The following DYM variants were observed in gnomAD, a reference collection of about 807,000 sequenced individuals.
DYM encodes the protein dymeclin, also known as dyggve-Melchior-Clausen syndrome protein.
A neutral mutation model predicts 93.1 loss-of-function variants in DYM; 78 were observed. The observed-to-expected ratio is 0.84, with a 90% CI of 0.70 to 1.01. DYM has a LOEUF of 1.01. Among genes scored for constraint, DYM ranks in the 50% least tolerant of loss-of-function variants. The pLI, the probability that DYM is intolerant of heterozygous loss-of-function variation, is 0.00. For missense variants in DYM, 789 were observed against 845.0 expected, an observed-to-expected ratio of 0.93 and a Z score of 0.82; for synonymous variants, 321 against 319.7, an observed-to-expected ratio of 1.00 and a Z score of -0.04.
At chr18:49,151,698 G>T (rs2085837851) in intron 15 of DYM, among the ~76,000 whole-genome samples, 1 of 152,112 alleles carries the variant, frequency 6.6e-6, no homozygotes, top group Non-Finnish European at 1.5e-5. Context: ...GGGGACTATG[G>T]TTTCAAGAAT....
At chr18:49,179,472 A>G (rs568354406) in intron 14 of DYM, among the ~76,000 whole-genome samples, 1 of 152,280 alleles carries the variant, frequency 6.6e-6, no homozygotes, top group Admixed American at 6.5e-5. Context: ...CTTACAAACC[A>G]TGTCACAACT....
intron 2 of DYM, among the ~76,000 whole-genome samples, chr18:49,398,191 T>C (rs1033480827): frequency 2.6e-5 from 4 of 152,168 alleles, no homozygotes; most frequent in African/African-American, 9.7e-5. Flanking sequence ...TCCTATGATA[T>C]AGTTTAAGGG....
chr18:49,236,479 C>CAAAAA lies in DYM; in HGVS notation c.1460+20526_1460+20530dup, dbSNP rs57432048. On this transcript the variant is annotated intron_variant, in intron 13 of 17. Transcript: ENST00000675505. Reference sequence around the variant, plus strand: ...TGGGCGACAGAGCGAGACTCTGTCTCAAAAAAAAAAATAAATAAATAAATA... The same window carrying CAAAAA: ...TGGGCGACAGAGCGAGACTCTGTCTCAAAAAAAAAAAAAAAATAAATAAATAAATA... 6.7e-3 allele frequency among the ~76,000 whole-genome samples: 948 copies of CAAAAA among 142,436 alleles called. 5 individuals are homozygous for CAAAAA. Among genetic ancestry groups the CAAAAA allele is most frequent in the South Asian group, 0.013 (59 of 4,426 alleles). 93.4% of individuals were successfully genotyped at this position (142,436 alleles called of 152,430 possible).
chr18:49,242,886 G>A (rs1323284121), intron 13 of DYM, among the ~76,000 whole-genome samples: 1 of 152,134 alleles, frequency 6.6e-6, no homozygotes, highest in African/African-American at 2.4e-5. Context: ...ATTTTTAGTA[G>A]AGACGGGGTT....
intron 17 of DYM, among the ~76,000 whole-genome samples, chr18:49,089,874 C>T (rs1175823853): frequency 6.6e-6 from 1 of 152,210 alleles, no homozygotes; most frequent in Non-Finnish European, 1.5e-5. Context: ...TGCCTTTCTA[C>T]AGTCCTTGTC....
At chr18:49,105,979 T>C (rs892702133) in intron 16 of DYM, among the ~76,000 whole-genome samples, 1 of 152,112 alleles carries the variant, frequency 6.6e-6, no homozygotes, top group African/African-American at 2.4e-5. Flanking sequence ...CTTTCTGTCT[T>C]GTTGATCTGT....
chr18:49,315,060 C>T (rs889289648), intron 8 of DYM, among the ~76,000 whole-genome samples: 1 of 151,908 alleles, frequency 6.6e-6, no homozygotes, highest in African/African-American at 2.4e-5. Context: ...ACAACAGATA[C>T]AAAAATTAGC....
chr18:49,214,362 G>A (rs2092931862), intron 13 of DYM, among the ~76,000 whole-genome samples: 1 of 152,168 alleles, frequency 6.6e-6, no homozygotes, highest in Admixed American at 6.5e-5. Context: ...GAGGAATTGA[G>A]GTTGTATGCT....
chr18:49,420,953 G>A (rs371333681), intron 2 of DYM, among the ~76,000 whole-genome samples: 63 of 152,260 alleles, frequency 4.1e-4, no homozygotes, highest in African/African-American at 1.1e-3. Context: ...AGGTGGCAGC[G>A]AGGCTGGGGG....
At chr18:49,264,105 T>G (rs1350411244) in intron 11 of DYM, among the ~76,000 whole-genome samples, 9 of 147,460 alleles carry the variant, frequency 6.1e-5, no homozygotes, top group South Asian at 4.2e-4. Context: ...GGCGTTGTTT[T>G]TTTTTTTTTT....
At chr18:49,051,992 G>C (rs2072502571) in intron 17 of DYM, among the ~76,000 whole-genome samples, 1 of 152,262 alleles carries the variant, frequency 6.6e-6, no homozygotes. Flanking sequence ...AGGGAGCAGA[G>C]AGATTGTTCC....
chr18:49,317,636 A>ATCCTC lies in DYM; in HGVS notation c.763+14223_763+14227dup, dbSNP rs139998820. Among the ~76,000 whole-genome samples, 32 of 39,110 alleles carry ATCCTC rather than the reference A, an allele frequency of 8.2e-4. 1 individual carries two copies. The highest frequency in any genetic ancestry group is 1.7e-3 in the African/African-American group (14 of 8,160). 25.7% of individuals were successfully genotyped at this position (39,110 alleles called of 152,430 possible). A position where few individuals can be genotyped will look rare whatever the true frequency, so the allele number is the denominator to read the frequency against. Reference sequence around the variant, plus strand: ...CCCTCCCTCCCTCCCTCCCTCTCCTATCCTCTCCTCTCCTTCCTTCCTTCC... The same window carrying ATCCTC: ...CCCTCCCTCCCTCCCTCCCTCTCCTATCCTCTCCTCTCCTCTCCTTCCTTCCTTCC... On this transcript the variant is annotated intron_variant, in intron 8 of 17. Transcript: ENST00000675505.
rs150844859 is a variant in DYM at position 49,393,445 on chromosome 18, T to A, written c.141-1800A>T. On this transcript the variant is annotated intron_variant, in intron 2 of 17. Transcript: ENST00000675505. ...GATAGATGGATAAATGAAATGTACATACACACAATGGAATATTATTTAGTC... is the reference window on the plus strand; with the variant it reads ...GATAGATGGATAAATGAAATGTACAAACACACAATGGAATATTATTTAGTC... Among the ~76,000 whole-genome samples, 8 of 152,296 alleles carry A rather than the reference T, an allele frequency of 5.3e-5. No individual in the cohort carries two copies. In the Middle Eastern group the frequency reaches 0.01, roughly 194 times the overall value.
At chr18:49,351,818 G>A (rs1296418980) in intron 6 of DYM, among the ~76,000 whole-genome samples, 7 of 152,148 alleles carry the variant, frequency 4.6e-5, no homozygotes, top group African/African-American at 7.2e-5. Flanking sequence ...ACATGAGAAT[G>A]TGCTACATGA....
At chr18:49,145,129 A>ATG (rs2084961840) in intron 15 of DYM, among the ~76,000 whole-genome samples, 1 of 117,416 alleles carries the variant, frequency 8.5e-6, no homozygotes, top group Non-Finnish European at 1.7e-5. Context: ...ATATATATAT[A>ATG]TATATAATTT....
At chr18:49,184,630 T>C (rs562639047) in intron 14 of DYM, among the ~76,000 whole-genome samples, 1 of 152,300 alleles carries the variant, frequency 6.6e-6, no homozygotes, top group South Asian at 2.1e-4. Flanking sequence ...TAATGGCTGT[T>C]AAGTGACTAA....
At chr18:49,051,436 A>G (rs917251658) in intron 17 of DYM, among the ~76,000 whole-genome samples, 1 of 152,176 alleles carries the variant, frequency 6.6e-6, no homozygotes, top group African/African-American at 2.4e-5. Context: ...GCTCCTTCCA[A>G]TTCTGACTAG....
intron 13 of DYM, among the ~76,000 whole-genome samples, chr18:49,239,574 C>T (rs1383858718): frequency 1.3e-5 from 2 of 152,238 alleles, no homozygotes; most frequent in Non-Finnish European, 2.9e-5. Context: ...GTTTCTGCCA[C>T]TCTTGGGATG....
intron 14 of DYM, among the ~76,000 whole-genome samples, chr18:49,209,313 A>G (rs1369925228): frequency 6.6e-6 from 1 of 152,236 alleles, no homozygotes; most frequent in Non-Finnish European, 1.5e-5. Context: ...GCAAGTTTAT[A>G]TAGACAACTC....
Sources: gnomAD v4.1 joint callset for allele counts (sites outside exome capture counted in the v4.1 genomes callset) on GRCh38, gnomAD v4.1.1 for gene constraint, MANE v1.5 for transcripts, NCBI Gene and HGNC (gene_info 2026-07-23, HGNC 2026-07-21) for gene names.